OCA2: variants seen among roughly 807,000 people sequenced by gnomAD.
The protein encoded by OCA2 is OCA2 melanosomal transmembrane protein, also known as P protein.
A neutral mutation model predicts 100.2 loss-of-function variants in OCA2; 77 were observed. The ratio of observed to expected loss-of-function variants is 0.77; its 90% CI spans 0.64 to 0.93. The LOEUF (loss-of-function observed/expected upper bound fraction) is 0.93, where lower values mean the gene tolerates loss of function less well. OCA2 is among the 40% of genes least tolerant of loss of function. The probability of loss-of-function intolerance (pLI) is 0.00; values close to 1 mark genes in which losing one functional copy is unlikely to be tolerated. For missense variants in OCA2, 1,062 were observed against 1,089.1 expected, an observed-to-expected ratio of 0.98 and a Z score of 0.35; for synonymous variants, 432 against 439.2, an observed-to-expected ratio of 0.98 and a Z score of 0.21.
intron 23 of OCA2, among the ~76,000 whole-genome samples, chr15:27,773,445 A>G (rs558732157): frequency 2.0e-5 from 3 of 152,206 alleles, no homozygotes; most frequent in African/African-American, 7.2e-5. Flanking sequence ...GACTCAGGTT[A>G]TATTTGTTAA....
intron 19 of OCA2, among the ~76,000 whole-genome samples, chr15:27,904,429 C>A (rs2038091281): frequency 6.6e-6 from 1 of 152,118 alleles, no homozygotes; most frequent in Non-Finnish European, 1.5e-5. Context: ...CGGGGTGTAT[C>A]CTTGGCCCAG....
chr15:27,766,113 C>T (rs1382208997), intron 23 of OCA2, among the ~76,000 whole-genome samples: 1 of 152,072 alleles, frequency 6.6e-6, no homozygotes, highest in Non-Finnish European at 1.5e-5. Flanking sequence ...GCAAGGAAGT[C>T]CAGACCAATA....
chr15:28,003,847 C>T (rs1465967658), intron 9 of OCA2, among the ~76,000 whole-genome samples: 1 of 152,214 alleles, frequency 6.6e-6, no homozygotes, highest in Non-Finnish European at 1.5e-5. Context: ...GGCCACCCCA[C>T]GAACCCGCCC....
At position 27,844,966 on chromosome 15, in the gene OCA2, A is replaced by T. The variant is rs765779905; in HGVS notation, c.2425T>A (p.Phe809Ile). The change falls in exon 23 of 24, where the codon TTT becomes ATT. Residue 809 changes from phenylalanine (F) to isoleucine (I), a missense_variant. Coordinates refer to ENST00000354638, the MANE Select transcript of OCA2 (RefSeq NM_000275.3). ...QHGYGFSFME[F>I]FRLGFPMMVV... ...AAGGGAATTTAAAAGTACCTGAAAA[A>T]TTCCATGAAGGAGAACCCATATCCA... The T allele has an allele frequency of 1.5e-5, 24 of 1,611,804 alleles. No homozygotes were observed. In the African/African-American group the frequency reaches 3.1e-4, roughly 21 times the overall value.
At chr15:27,833,539 C>A (rs1037525669) in intron 23 of OCA2, among the ~76,000 whole-genome samples, 4 of 152,156 alleles carry the variant, frequency 2.6e-5, no homozygotes, top group Non-Finnish European at 5.9e-5. Flanking sequence ...CTTTTTAAGT[C>A]GTTTTACATT....
intron 14 of OCA2, among the ~76,000 whole-genome samples, chr15:27,977,631 C>T (rs1332741674): frequency 1.3e-5 from 2 of 152,144 alleles, no homozygotes; most frequent in African/African-American, 2.4e-5. Context: ...CACAAAATTG[C>T]TCGGGACTGA....
intron 23 of OCA2, 39 bp downstream of exon 23, chr15:27,844,920 G>C: frequency 7.3e-7 from 1 of 1,378,908 alleles, no homozygotes; most frequent in Non-Finnish European, 1.0e-6. Context: ...TTAGGAACTA[G>C]ACAGTTTAAC....
At chr15:27,732,351 C>T in the OCA2 span, among the ~76,000 whole-genome samples, 2 of 152,238 alleles carry the variant, frequency 1.3e-5, no homozygotes, top group African/African-American at 4.8e-5. Flanking sequence ...CTGGAGGGCC[C>T]GGAGACATGG....
intron 9 of OCA2, among the ~76,000 whole-genome samples, chr15:27,999,032 C>A (rs1285374438): frequency 6.6e-6 from 1 of 151,672 alleles, no homozygotes; most frequent in Non-Finnish European, 1.5e-5. Context: ...GGGAACATCA[C>A]ACTCTGGGGA....
intron 15 of OCA2, among the ~76,000 whole-genome samples, chr15:27,960,389 A>C (rs1447212431): frequency 6.6e-6 from 1 of 152,176 alleles, no homozygotes; most frequent in East Asian, 1.9e-4. Context: ...AAATAAACAT[A>C]CGCTAGGGTA....
At chr15:27,970,564 G>A (rs1319365181) in intron 14 of OCA2, among the ~76,000 whole-genome samples, 1 of 152,064 alleles carries the variant, frequency 6.6e-6, no homozygotes. Context: ...CGCACAGCAT[G>A]ATGGGAAAAC....
In OCA2 at chr15:28,081,759, G is replaced by A; in HGVS notation, c.116C>T (p.Pro39Leu). 6.2e-7 allele frequency: 1 copy of A among 1,613,438 alleles called. No homozygotes were observed. Among genetic ancestry groups the A allele is most frequent in the South Asian group, 1.1e-5 (1 of 91,064 alleles). Residue 39 changes from proline (P) to leucine (L), a missense_variant, in exon 2 of 24, where the codon CCT becomes CTT. Transcript: ENST00000354638. ...GGGGTCAGCTCCACCGGCTCCCCGA[G>A]GAAGCCTGCGCTTGCCGGCCACAAG... ...AELVAGKRRL[P>L]RGAGGADPSH...
chr15:27,900,231 TG>T (rs1052412227), intron 19 of OCA2, among the ~76,000 whole-genome samples: 2 of 152,160 alleles, frequency 1.3e-5, no homozygotes, highest in Admixed American at 1.3e-4. Flanking sequence ...AACATACCCC[TG>T]GGTGGAGATT....
intron 18 of OCA2, among the ~76,000 whole-genome samples, chr15:27,936,292 G>A (rs925844627): frequency 1.3e-5 from 2 of 152,164 alleles, no homozygotes; most frequent in African/African-American, 4.8e-5. Context: ...GGGATGAGCT[G>A]GCTTAGAAAG....
intron 2 of OCA2, among the ~76,000 whole-genome samples, chr15:28,055,721 G>A (rs556636175): frequency 9.2e-4 from 140 of 152,302 alleles, no homozygotes; most frequent in African/African-American, 3.3e-3. Flanking sequence ...AGGGAAGGCC[G>A]GCTCCCTCAC....
intron 21 of OCA2, among the ~76,000 whole-genome samples, chr15:27,858,927 A>T (rs952885195): frequency 5.3e-5 from 8 of 152,056 alleles, no homozygotes; most frequent in African/African-American, 1.7e-4. Context: ...TAAACAACCA[A>T]TGAGTTAAAG....
the OCA2 span, among the ~76,000 whole-genome samples, chr15:27,744,195 C>T: frequency 3.0e-4 from 46 of 152,294 alleles, no homozygotes; most frequent in Middle Eastern, 3.4e-3. Context: ...TCAGCCCCTC[C>T]GCACCCTCAG....
intron 1 of OCA2, among the ~76,000 whole-genome samples, chr15:28,098,094 C>T (rs1160418776): frequency 6.6e-6 from 1 of 152,196 alleles, no homozygotes; most frequent in Admixed American, 6.5e-5. Flanking sequence ...TTGCGTTCTT[C>T]TCATAAAACA....
chr15:27,821,617 T>C (rs117651714), intron 23 of OCA2, among the ~76,000 whole-genome samples: 1,582 of 149,236 alleles, frequency 0.011, 61 homozygotes, highest in East Asian at 0.084. Context: ...CTAGTACACA[T>C]ACATGTGTGC....
Sources: gnomAD v4.1 joint callset for allele counts (sites outside exome capture counted in the v4.1 genomes callset) on GRCh38, gnomAD v4.1.1 for gene constraint, MANE v1.5 for transcripts, NCBI Gene and HGNC (gene_info 2026-07-23, HGNC 2026-07-21) for gene names.